Variants in RANBP2 observed in about 807,000 individuals in gnomAD.
The protein encoded by RANBP2 is E3 SUMO-protein ligase RanBP2.
Under a neutral mutation model 303.6 loss-of-function variants are expected in RANBP2, and 57 were observed. That is an observed-to-expected ratio of 0.19 (90% CI 0.15 to 0.23). The LOEUF (loss-of-function observed/expected upper bound fraction) is 0.23, where lower values mean the gene tolerates loss of function less well. RANBP2 is among the 10% of genes least tolerant of loss of function. The pLI is 1.00. For missense variants in RANBP2, 3,138 were observed against 3,780.8 expected (o/e 0.83, Z 4.46); for synonymous variants, 1,167 against 1,301.5 (o/e 0.90, Z 2.23).
chr2:108,985,110 T>C, the RANBP2 span, among the ~76,000 whole-genome samples: 2 of 152,214 alleles, frequency 1.3e-5, no homozygotes, highest in Non-Finnish European at 2.9e-5. Context: ...GTTGGCAGAA[T>C]CAACTCTTTT....
the RANBP2 span, among the ~76,000 whole-genome samples, chr2:109,385,620 G>T: frequency 6.6e-6 from 1 of 152,370 alleles, no homozygotes; most frequent in African/African-American, 2.4e-5. Flanking sequence ...GACAACCAGT[G>T]TATTGCAGGC....
chr2:108,848,924 A>G, the RANBP2 span, among the ~76,000 whole-genome samples: 2 of 152,212 alleles, frequency 1.3e-5, no homozygotes, highest in South Asian at 4.1e-4. Context: ...TATGATACAG[A>G]TGATAGAATT....
the RANBP2 span, among the ~76,000 whole-genome samples, chr2:109,538,510 G>A: frequency 2.0e-5 from 3 of 152,124 alleles, no homozygotes; most frequent in East Asian, 3.8e-4. Flanking sequence ...ACCTTCATGG[G>A]AACTTTATGC....
the RANBP2 span, among the ~76,000 whole-genome samples, chr2:108,917,103 G>A: frequency 3.3e-5 from 5 of 152,326 alleles, no homozygotes; most frequent in Admixed American, 2.0e-4. Context: ...TAAAGGCAAG[G>A]GTGTGCCAGA....
intron 24 of RANBP2, 57 bp from the exon 25 acceptor site, chr2:108,777,073 A>G: frequency 6.7e-7 from 1 of 1,489,476 alleles, no homozygotes; most frequent in Non-Finnish European, 9.3e-7. Flanking sequence ...TCCTGGGGTA[A>G]AGCTTTGATA....
chr2:109,422,786 C>T, the RANBP2 span, among the ~76,000 whole-genome samples: 1 of 152,194 alleles, frequency 6.6e-6, no homozygotes, highest in East Asian at 1.9e-4. Context: ...GGTTGATTCT[C>T]ACCTCCACTT....
At chr2:109,176,541 T>G in the RANBP2 span, among the ~76,000 whole-genome samples, 3 of 152,124 alleles carry the variant, frequency 2.0e-5, no homozygotes, top group Non-Finnish European at 4.4e-5. Flanking sequence ...AGATCAGCCT[T>G]GGCAACATAA....
the RANBP2 span, among the ~76,000 whole-genome samples, chr2:108,900,005 A>C: frequency 6.6e-6 from 1 of 152,120 alleles, no homozygotes; most frequent in African/African-American, 2.4e-5. Context: ...AATAATAATA[A>C]CACCAGTAGA....
chr2:109,405,717 C>T, the RANBP2 span, among the ~76,000 whole-genome samples: 1 of 152,230 alleles, frequency 6.6e-6, no homozygotes, highest in African/African-American at 2.4e-5. Context: ...CACCTTTCCA[C>T]CACCAAATCA....
chr2:109,013,790 G>C, the RANBP2 span, among the ~76,000 whole-genome samples: 5 of 152,186 alleles, frequency 3.3e-5, no homozygotes, highest in Admixed American at 2.0e-4. Context: ...ATGTTAGCCA[G>C]CTGGTCTGGA....
downstream of RANBP2, among the ~76,000 whole-genome samples, chr2:108,788,326 A>G (rs1679272756): frequency 6.6e-6 from 1 of 152,082 alleles, no homozygotes; most frequent in African/African-American, 2.4e-5. Flanking sequence ...AGGCTGAGGC[A>G]GGAGAATCGG....
the RANBP2 span, among the ~76,000 whole-genome samples, chr2:108,822,293 T>A: frequency 6.6e-6 from 1 of 152,108 alleles, no homozygotes; most frequent in Non-Finnish European, 1.5e-5. Flanking sequence ...AACATCAGAC[T>A]TCTAAAATAT....
At chr2:109,712,667 C>T in the RANBP2 span, among the ~76,000 whole-genome samples, 1 of 152,076 alleles carries the variant, frequency 6.6e-6, no homozygotes, top group Non-Finnish European at 1.5e-5. Flanking sequence ...CTCCTGACCT[C>T]GTGATCTGCC....
chr2:109,723,902 T>C, the RANBP2 span, among the ~76,000 whole-genome samples: 1 of 152,332 alleles, frequency 6.6e-6, no homozygotes, highest in South Asian at 2.1e-4. Context: ...TAGTTTTGGG[T>C]TTTACATTTA....
rs1183511310 is a variant in RANBP2 at position 108,771,763 on chromosome 2, C to T, written c.7912C>T (p.Leu2638=). 4 of 1,613,886 alleles carry T rather than the reference C, an allele frequency of 2.5e-6. No individual in the cohort carries two copies. In the African/African-American group the frequency reaches 5.3e-5, roughly 22 times the overall value. The change falls in exon 21 of 29, where the codon CTA becomes TTA. Residue 2638 remains leucine (L), a synonymous_variant. Coordinates refer to ENST00000283195, the MANE Select transcript of RANBP2 (RefSeq NM_006267.5). The part of the protein sequence containing the change: ...SDDDVLIVYE[L]TPTAEQKALA... ...TGATGATGTTCTCATTGTATATGAA[C>T]TAACTCCAACCGCTGAGCAGAAAGC...
At chr2:109,545,484 C>G in the RANBP2 span, 107 of 1,536,038 alleles carry the variant, frequency 7.0e-5, no homozygotes, top group Non-Finnish European at 9.0e-5. Flanking sequence ...TTACGTCCAC[C>G]ATTGGTTTCA....
the RANBP2 span, among the ~76,000 whole-genome samples, chr2:108,949,091 C>T: frequency 2.8e-3 from 420 of 152,302 alleles, 3 homozygotes; most frequent in African/African-American, 9.6e-3. Context: ...GATTCTCTCA[C>T]CTCAGCCTCC....
the RANBP2 span, among the ~76,000 whole-genome samples, chr2:109,075,197 G>GA: frequency 3.5e-4 from 52 of 150,054 alleles, no homozygotes; most frequent in African/African-American, 1.3e-3. Flanking sequence ...AAAAGCAATA[G>GA]AAAAACCCCG....
chr2:109,048,838 C>G, the RANBP2 span, among the ~76,000 whole-genome samples: 1 of 152,156 alleles, frequency 6.6e-6, no homozygotes, highest in Non-Finnish European at 1.5e-5. Context: ...TTATATACTT[C>G]TGTATCTAGA....
Sources: allele counts gnomAD v4.1 joint callset (sites outside exome capture counted in the v4.1 genomes callset), GRCh38; gene constraint gnomAD v4.1.1; transcripts MANE v1.5; gene names NCBI Gene and HGNC (gene_info 2026-07-23, HGNC 2026-07-21).